The following PTPRN2 variants were observed in gnomAD, a reference collection of about 807,000 sequenced individuals.
The protein encoded by PTPRN2 is receptor-type tyrosine-protein phosphatase N2.
In PTPRN2, 74 loss-of-function variants were observed where a neutral mutation model predicts 118.8. The observed-to-expected ratio is 0.62, with a 90% CI of 0.52 to 0.76. The LOEUF is 0.76. Ranked by LOEUF, PTPRN2 falls within the 30% of genes least tolerant of loss-of-function variation. PTPRN2 has a pLI of 0.00. For synonymous variants in PTPRN2, 641 were observed against 608.0 expected (o/e 1.05, Z -0.80); for missense variants, 1,481 against 1,394.4 (o/e 1.06, Z -0.99).
chr7:158,148,992 A>C (rs62480230), intron 6 of PTPRN2, among the ~76,000 whole-genome samples: 3 of 19,544 alleles, frequency 1.5e-4, no homozygotes, highest in Admixed American at 1.0e-3. Flanking sequence ...CACGCCACAC[A>C]TCTTTCCCCC....
At chr7:158,140,231 C>T (rs1342079728) in intron 6 of PTPRN2, among the ~76,000 whole-genome samples, 3 of 152,190 alleles carry the variant, frequency 2.0e-5, no homozygotes, top group Admixed American at 6.5e-5. Context: ...CTCCTCACCG[C>T]GTCCAGGAAG....
chr7:158,070,974 G>A (rs1162133035), intron 11 of PTPRN2, among the ~76,000 whole-genome samples: 1 of 128,608 alleles, frequency 7.8e-6, no homozygotes, highest in East Asian at 2.3e-4. Context: ...GCTCACGGTG[G>A]AGGTGCCCGT....
At chr7:158,377,991 C>T (rs755678825) in intron 2 of PTPRN2, among the ~76,000 whole-genome samples, 1 of 152,174 alleles carries the variant, frequency 6.6e-6, no homozygotes, top group Non-Finnish European at 1.5e-5. Context: ...GGCGCTAGCT[C>T]CGGGTTTTCT....
At chr7:158,289,798 A>G (rs1799992604) in intron 3 of PTPRN2, among the ~76,000 whole-genome samples, 1 of 152,152 alleles carries the variant, frequency 6.6e-6, no homozygotes, top group Admixed American at 6.5e-5. Context: ...GACTTATTCT[A>G]TTCTTTGTAG....
intron 9 of PTPRN2, 104 bp downstream of exon 9, chr7:158,133,573 T>A (rs1818549537): frequency 6.9e-7 from 1 of 1,456,722 alleles, no homozygotes; most frequent in Non-Finnish European, 9.1e-7. Flanking sequence ...TTGAAGACAC[T>A]TAAAAGCGTA....
chr7:158,107,363 A>C (rs2150360098), intron 10 of PTPRN2, among the ~76,000 whole-genome samples: 1 of 152,236 alleles, frequency 6.6e-6, no homozygotes, highest in South Asian at 2.1e-4. Flanking sequence ...GTGTGCTGAA[A>C]GCCACTCCAT....
chr7:158,577,879 C>A (rs987122482), intron 1 of PTPRN2, among the ~76,000 whole-genome samples: 2 of 152,164 alleles, frequency 1.3e-5, no homozygotes, highest in Non-Finnish European at 2.9e-5. Context: ...GTGCACTGGG[C>A]CCTAACACAG....
At chr7:157,589,051 C>T (rs1163508397) in intron 17 of PTPRN2, among the ~76,000 whole-genome samples, 1 of 152,220 alleles carries the variant, frequency 6.6e-6, no homozygotes, top group Non-Finnish European at 1.5e-5. Context: ...ACCGTCACCA[C>T]GCTCTTCAGA....
intron 2 of PTPRN2, among the ~76,000 whole-genome samples, chr7:158,465,487 G>A (rs186186888): frequency 8.9e-4 from 136 of 152,234 alleles, no homozygotes; most frequent in Non-Finnish European, 1.3e-3. Flanking sequence ...ACATTCCTGA[G>A]CATCTAATCT....
Position 157,569,520 on chromosome 7 carries a change from C to T in PTPRN2, c.2838-554G>A, listed in dbSNP as rs76014455. On this transcript the variant is annotated intron_variant, in intron 20 of 22. Coordinates refer to ENST00000389418, the MANE Select transcript of PTPRN2 (RefSeq NM_002847.5). ...ATTGACATAACAGTCGTTACTAAAT[C>T]TTACTCTTTAAAAAGCACTCTCATT... 5.5e-4 allele frequency among the ~76,000 whole-genome samples: 84 copies of T among 152,354 alleles called. No individual in the cohort carries two copies. The East Asian group carries it at 0.016, about 28-fold the overall frequency.
intron 3 of PTPRN2, among the ~76,000 whole-genome samples, chr7:158,300,387 C>T (rs905794291): frequency 1.3e-5 from 2 of 151,988 alleles, no homozygotes; most frequent in African/African-American, 2.4e-5. Context: ...CCTAGGTAGT[C>T]GCCAGGGGCC....
intron 12 of PTPRN2, among the ~76,000 whole-genome samples, chr7:157,742,854 T>C (rs986691669): frequency 1.3e-5 from 2 of 152,246 alleles, no homozygotes; most frequent in African/African-American, 4.8e-5. Flanking sequence ...TAATACCTTT[T>C]GCTTGTAATT....
At chr7:158,255,036 C>T (rs975179048) in intron 3 of PTPRN2, among the ~76,000 whole-genome samples, 19 of 152,234 alleles carry the variant, frequency 1.2e-4, no homozygotes, top group African/African-American at 4.6e-4. Flanking sequence ...CCCTTCCCTG[C>T]TCACCCACGT....
In PTPRN2 at chr7:157,550,385, G is replaced by A. The variant is rs2117011099; in HGVS notation, c.2903-1366C>T. ...ACGGCAGGGGTGGCGGGGAGGCCTG[G>A]GGAGGACACACGTTGGAACCAAATG... is the stretch of plus-strand genomic sequence containing the variant. On this transcript the variant is annotated intron_variant, in intron 21 of 22. Transcript: ENST00000389418. This position sits in a 1 kb window ranked among gnomAD's most constrained non-coding sequence, Gnocchi z 5.2. 6.6e-6 allele frequency among the ~76,000 whole-genome samples: 1 copy of A among 152,342 alleles called. No homozygotes were observed. The highest frequency in any genetic ancestry group is 2.1e-4 in the South Asian group (1 of 4,830).
At chr7:158,071,226 C>T (rs1198426906) in intron 11 of PTPRN2, among the ~76,000 whole-genome samples, 1 of 51,138 alleles carries the variant, frequency 2.0e-5, no homozygotes, top group Non-Finnish European at 3.8e-5. Flanking sequence ...TGGAGGTGCC[C>T]GTGGTGGTGG....
rs1039299838 is a variant in PTPRN2 at position 157,598,039 on chromosome 7, A to G, written c.2419-2724T>C. On this transcript the variant is annotated intron_variant, in intron 16 of 22. Transcript: ENST00000389418. The surrounding 1 kb of genome is among the most constrained non-coding windows in gnomAD (Gnocchi z 5.2). ...GCAGGCTTCGAGGAAAAGTCAAGCAAATACTTAACTGGCCACACAGAGATT... is the reference window on the plus strand; with the variant it reads ...GCAGGCTTCGAGGAAAAGTCAAGCAGATACTTAACTGGCCACACAGAGATT... Among the ~76,000 whole-genome samples, 1 of 152,240 alleles carries G rather than the reference A, an allele frequency of 6.6e-6. No individual in the cohort carries two copies. Among genetic ancestry groups the G allele is most frequent in the Non-Finnish European group, 1.5e-5 (1 of 68,044 alleles).
chr7:158,149,938 A>C (rs1242196563), intron 6 of PTPRN2, among the ~76,000 whole-genome samples: 2 of 152,210 alleles, frequency 1.3e-5, no homozygotes, highest in Non-Finnish European at 2.9e-5. Context: ...AAATAAATAA[A>C]ACATATGAAA....
intron 11 of PTPRN2, among the ~76,000 whole-genome samples, chr7:158,021,610 A>G (rs7811946): frequency 0.88 from 134,452 of 151,946 alleles, 59,618 homozygotes; most frequent in African/African-American, 0.92. Context: ...GGCGCTGCCC[A>G]CCAGCCAAGG....
chr7:158,124,963 G>A (rs183530524), intron 9 of PTPRN2, among the ~76,000 whole-genome samples: 2 of 152,256 alleles, frequency 1.3e-5, no homozygotes, highest in East Asian at 1.9e-4. Flanking sequence ...GCAGTGCGGA[G>A]GCAAGAGGCT....
Sources: allele counts gnomAD v4.1 joint callset (sites outside exome capture counted in the v4.1 genomes callset), GRCh38; gene constraint gnomAD v4.1.1; non-coding constraint Gnocchi (gnomAD v3.1); transcripts MANE v1.5; gene names NCBI Gene and HGNC (gene_info 2026-07-23, HGNC 2026-07-21).